HHIP: variants seen among roughly 807,000 people sequenced by gnomAD.
The protein encoded by HHIP is hedgehog-interacting protein.
A neutral mutation model predicts 74.0 loss-of-function variants in HHIP; 12 were observed. That is an observed-to-expected ratio of 0.16 (90% confidence interval 0.10 to 0.26). The LOEUF is 0.26. HHIP is among the 10% of genes least tolerant of loss of function. The pLI is 1.00. For missense variants in HHIP, 788 were observed against 845.0 expected (o/e 0.93, Z 0.84); for synonymous variants, 309 against 311.6 (o/e 0.99, Z 0.09).
At chr4:144,655,771 G>C (rs1412901706) in intron 2 of HHIP, among the ~76,000 whole-genome samples, 2 of 150,936 alleles carry the variant, frequency 1.3e-5, no homozygotes, top group Non-Finnish European at 3.0e-5. Flanking sequence ...TCCTTATCAT[G>C]ATGAGCAGCA....
intron 11 of HHIP, among the ~76,000 whole-genome samples, chr4:144,721,595 A>G (rs1470807044): frequency 1.3e-4 from 4 of 30,924 alleles, no homozygotes; most frequent in African/African-American, 2.7e-4. Context: ...TTATTTAAGG[A>G]AAAAAAAAAA....
At chr4:144,730,991 G>GT (rs1730940143) in intron 11 of HHIP, among the ~76,000 whole-genome samples, 1 of 152,032 alleles carries the variant, frequency 6.6e-6, no homozygotes, top group African/African-American at 2.4e-5. Flanking sequence ...TTAGCCTTCG[G>GT]TTTATTTACT....
intron 11 of HHIP, among the ~76,000 whole-genome samples, chr4:144,724,681 T>C (rs1228235228): frequency 1.0e-5 from 1 of 95,904 alleles, no homozygotes. Flanking sequence ...TATATATATA[T>C]TTATATATAT....
chr4:144,656,262 T>G (rs1012711828), intron 2 of HHIP, among the ~76,000 whole-genome samples: 1 of 152,222 alleles, frequency 6.6e-6, no homozygotes, highest in African/African-American at 2.4e-5. Context: ...CTGAGTTGGT[T>G]TTCACACTTA....
rs1173838948 is a variant in HHIP, at chr4:144,740,348, A to G, written c.*2391A>G. 6.6e-6 allele frequency: 1 copy of G among 152,174 alleles called. No individual in the cohort carries two copies. Among genetic ancestry groups the G allele is most frequent in the African/African-American group, 2.4e-5 (1 of 41,446 alleles). The allele number at this position is 152,174 out of a possible 1,614,324, so 9.4% of individuals were successfully genotyped here. A position where few individuals can be genotyped will look rare whatever the true frequency, so the allele number is the denominator to read the frequency against. ...TTTTTATACAGCTTTTTCCCAAGTG[A>G]AAGATTTTCAAGTGACTTAGAAAAA... On this transcript the variant is annotated 3_prime_UTR_variant, in exon 13 of 13. Coordinates refer to ENST00000296575, the MANE Select transcript of HHIP (RefSeq NM_022475.3).
At position 144,649,134 on chromosome 4, in the gene HHIP, G is replaced by A. The variant is rs186562648; in HGVS notation, c.279+2180G>A. On this transcript the variant is annotated intron_variant, in intron 1 of 12. Coordinates refer to ENST00000296575, the MANE Select transcript of HHIP (RefSeq NM_022475.3). ...AAACTTCAGTGTTTCCCTTTTTCCC[G>A]TAAGCCTTCCTGGATTATAATATAT... Among the ~76,000 whole-genome samples, 22 of 151,500 alleles carry A rather than the reference G, an allele frequency of 1.5e-4. No individual in the cohort carries two copies. The East Asian group carries it at 2.9e-3, about 20-fold the overall frequency.
At chr4:144,691,253 A>G (rs1331597454) in intron 4 of HHIP, among the ~76,000 whole-genome samples, 1 of 152,240 alleles carries the variant, frequency 6.6e-6, no homozygotes, top group Non-Finnish European at 1.5e-5. Context: ...ATAAACATCA[A>G]TATGGCCTTA....
Position 144,646,832 on chromosome 4 carries a change from A to G in HHIP, c.157A>G (p.Arg53Gly), listed in dbSNP as rs769538924. The G allele has an allele frequency of 2.5e-6, 4 of 1,614,246 alleles. No individual in the cohort carries two copies. Among genetic ancestry groups the G allele is most frequent in the Non-Finnish European group, 3.4e-6 (4 of 1,180,050 alleles). Reference protein sequence around the residue: ...NPPKRLKRRDRRMMSQLELLS... With the variant: ...NPPKRLKRRDGRMMSQLELLS... ...CCCGAAGCGCCTGAAAAGGAGAGAC[A>G]GGAGGATGATGTCCCAGCTGGAGCT... The change falls in exon 1 of 13, where the codon AGG becomes GGG. Residue 53 changes from arginine to glycine, a missense_variant. Physicochemically the swap from Arg to Gly is moderately radical, Grantham distance 125. Around this residue, in one of 3 missense-constraint regions of HHIP, gnomAD observed 373 missense variants for 366.4 expected, o/e 1.02. Transcript: ENST00000296575.
chr4:144,724,966 A>G (rs1015785618), intron 11 of HHIP, among the ~76,000 whole-genome samples: 2 of 151,870 alleles, frequency 1.3e-5, no homozygotes, highest in Admixed American at 6.6e-5. Flanking sequence ...TCAAAGTGAG[A>G]CTTATATATT....
At chr4:144,693,189 CAT>C (rs1209337534) in intron 4 of HHIP, among the ~76,000 whole-genome samples, 1 of 151,958 alleles carries the variant, frequency 6.6e-6, no homozygotes, top group Non-Finnish European at 1.5e-5. Context: ...CTAATCTCTG[CAT>C]AGTGATTCTG....
At chr4:144,666,508 C>T (rs1324611117) in intron 4 of HHIP, among the ~76,000 whole-genome samples, 1 of 152,138 alleles carries the variant, frequency 6.6e-6, no homozygotes, top group Admixed American at 6.5e-5. Context: ...TCCCTTTTCA[C>T]AGATGAAGGG....
chr4:144,720,328 C>T (rs745904005), intron 11 of HHIP, among the ~76,000 whole-genome samples: 69 of 152,216 alleles, frequency 4.5e-4, no homozygotes, highest in Non-Finnish European at 7.1e-4. Context: ...ATGAGGTGTA[C>T]GGATTTCACT....
chr4:144,728,857 G>A (rs964768876), intron 11 of HHIP, among the ~76,000 whole-genome samples: 5 of 152,072 alleles, frequency 3.3e-5, no homozygotes, highest in African/African-American at 7.2e-5. Flanking sequence ...ATTCCTCGGC[G>A]AAATTTAGTT....
chr4:144,666,228 T>C (rs1728857292), intron 4 of HHIP, among the ~76,000 whole-genome samples: 1 of 150,402 alleles, frequency 6.6e-6, no homozygotes, highest in South Asian at 2.1e-4. Flanking sequence ...CTTTTGAAGA[T>C]TGTTTCCTGA....
chr4:144,741,363 G>GTTTTTTTTTTTTTTTTTTTTGTTTTTT lies in HHIP; in HGVS notation c.*3422_*3423insTTTTGTTTTTTTTTTTTTTTTTTTTTT, dbSNP rs1170352137. On this transcript the variant is annotated 3_prime_UTR_variant, in exon 13 of 13. Transcript: ENST00000296575. ...TACTAACAATTTTAATCCATTTGCT[G>GTTTTTTTTTTTTTTTTTTTTGTTTTTT]TTTTTTTTTTTTTTTTGGTTTCTTT... 1 of 82,312 alleles carries GTTTTTTTTTTTTTTTTTTTTGTTTTTT rather than the reference G, an allele frequency of 1.2e-5. No individual in the cohort carries two copies. Among genetic ancestry groups the GTTTTTTTTTTTTTTTTTTTTGTTTTTT allele is most frequent in the African/African-American group, 4.1e-5 (1 of 24,204 alleles). 5.1% of individuals were successfully genotyped at this position (82,312 alleles called of 1,614,324 possible).
chr4:144,678,048 G>T (rs967201320), intron 4 of HHIP, among the ~76,000 whole-genome samples: 9 of 152,148 alleles, frequency 5.9e-5, no homozygotes, highest in African/African-American at 2.2e-4. Flanking sequence ...CCCAAAAAAG[G>T]AGTCGCTGAA....
At chr4:144,711,150 C>T (rs952676083) in intron 7 of HHIP, among the ~76,000 whole-genome samples, 10 of 152,078 alleles carry the variant, frequency 6.6e-5, no homozygotes, top group African/African-American at 1.4e-4. Context: ...TAAAAGACCT[C>T]GATATTTGTA....
intron 7 of HHIP, among the ~76,000 whole-genome samples, chr4:144,711,546 G>A (rs959157388): frequency 2.6e-5 from 4 of 152,070 alleles, no homozygotes; most frequent in South Asian, 4.2e-4. Context: ...GTGTCCATGT[G>A]TTCTCATTGT....
chr4:144,718,431 A>G (rs373560915), intron 10 of HHIP, among the ~76,000 whole-genome samples: 1 of 152,218 alleles, frequency 6.6e-6, no homozygotes, highest in South Asian at 2.1e-4. Context: ...ATGAGGTTAT[A>G]GCAGTAAGTG....
Sources: allele counts gnomAD v4.1 joint callset (sites outside exome capture counted in the v4.1 genomes callset), GRCh38; gene constraint gnomAD v4.1.1; regional missense constraint gnomAD v4.1.1; transcripts MANE v1.5; gene names NCBI Gene and HGNC (gene_info 2026-07-23, HGNC 2026-07-21).